BMAL2: variants seen among roughly 807,000 people sequenced by gnomAD.
The protein encoded by BMAL2 is basic helix-loop-helix ARNT-like protein 2.
chr12:27,372,831 A>G, the BMAL2 span, among the ~76,000 whole-genome samples: 2 of 151,592 alleles, frequency 1.3e-5, no homozygotes, highest in Non-Finnish European at 2.9e-5. Context: ...CCACCACCAC[A>G]CCTGGCTAAT....
the BMAL2 span, chr12:27,415,855 A>G: frequency 2.0e-4 from 310 of 1,563,304 alleles, no homozygotes; most frequent in Non-Finnish European, 2.6e-4. Flanking sequence ...TGTTTTATGT[A>G]TCACTTTTTA....
chr12:27,424,517 A>G, the BMAL2 span: 1 of 152,206 alleles, frequency 6.6e-6, no homozygotes, highest in African/African-American at 2.4e-5. Flanking sequence ...GAAAGTGTTT[A>G]TTTACAGTGT....
chr12:27,369,300 G>GT, the BMAL2 span, among the ~76,000 whole-genome samples: 1 of 92,262 alleles, frequency 1.1e-5, no homozygotes, highest in Non-Finnish European at 2.2e-5. Context: ...CTTTTTTGGT[G>GT]GGGGGGGTGG....
chr12:27,381,000 G>C, the BMAL2 span, among the ~76,000 whole-genome samples: 5 of 151,756 alleles, frequency 3.3e-5, no homozygotes, highest in Admixed American at 3.3e-4. Context: ...AAGTTCTGAA[G>C]TATAGTATTA....
the BMAL2 span, among the ~76,000 whole-genome samples, chr12:27,420,019 G>GCACACACACACACA: frequency 2.2e-3 from 319 of 147,564 alleles, 1 homozygote; most frequent in African/African-American, 5.0e-3. Context: ...GTTTGCGCGT[G>GCACACACACACACA]CACACACACA....
the BMAL2 span, among the ~76,000 whole-genome samples, chr12:27,379,634 G>T: frequency 2.0e-5 from 3 of 152,158 alleles, no homozygotes; most frequent in African/African-American, 7.2e-5. Context: ...CAAGAGAGAA[G>T]GAGGATCTTC....
the BMAL2 span, among the ~76,000 whole-genome samples, chr12:27,333,597 A>C: frequency 3.0e-4 from 46 of 152,332 alleles, no homozygotes; most frequent in African/African-American, 1.1e-3. Flanking sequence ...TGAGCTGATA[A>C]TACTCGCGGC....
chr12:27,376,897 G>A, the BMAL2 span, among the ~76,000 whole-genome samples: 1 of 151,144 alleles, frequency 6.6e-6, no homozygotes, highest in South Asian at 2.1e-4. Context: ...CTACTCGGGG[G>A]GACTGAGGCA....
the BMAL2 span, among the ~76,000 whole-genome samples, chr12:27,346,181 T>G: frequency 1.3e-5 from 2 of 152,214 alleles, no homozygotes; most frequent in Admixed American, 6.5e-5. Context: ...TCTTTCTGTC[T>G]TATAAACTTT....
the BMAL2 span, chr12:27,389,110 A>T: frequency 1.0e-6 from 1 of 1,000,478 alleles, no homozygotes; most frequent in Non-Finnish European, 1.6e-6. Context: ...AAGAACATTT[A>T]TTGTATGCAT....
chr12:27,388,050 C>T, the BMAL2 span, among the ~76,000 whole-genome samples: 2 of 152,006 alleles, frequency 1.3e-5, no homozygotes, highest in Non-Finnish European at 2.9e-5. Flanking sequence ...CTCATGATTC[C>T]ACGTTCTAAC....
chr12:27,420,516 T>A, the BMAL2 span: 1 of 1,595,512 alleles, frequency 6.3e-7, no homozygotes, highest in Non-Finnish European at 8.5e-7. Context: ...TTCAGTGACA[T>A]CCAGTGGACC....
At chr12:27,418,047 A>G in the BMAL2 span, 2 of 1,287,464 alleles carry the variant, frequency 1.6e-6, no homozygotes, top group Non-Finnish European at 2.2e-6. Flanking sequence ...TCCTTATTCT[A>G]GTAGGAACCT....
chr12:27,419,084 AT>A, the BMAL2 span, among the ~76,000 whole-genome samples: 4 of 152,180 alleles, frequency 2.6e-5, no homozygotes, highest in Admixed American at 2.0e-4. Context: ...AAACCAAGGT[AT>A]TTCTATCTAG....
At chr12:27,419,816 A>G in the BMAL2 span, among the ~76,000 whole-genome samples, 2 of 152,178 alleles carry the variant, frequency 1.3e-5, no homozygotes, top group African/African-American at 4.8e-5. Context: ...CTTAATTTCT[A>G]GAACCTTTTA....
chr12:27,399,677 C>T, the BMAL2 span, among the ~76,000 whole-genome samples: 1 of 152,224 alleles, frequency 6.6e-6, no homozygotes, highest in South Asian at 2.1e-4. Context: ...CCAAATAGTG[C>T]CAATTTGAAA....
At chr12:27,396,615 A>G in the BMAL2 span, among the ~76,000 whole-genome samples, 2 of 152,176 alleles carry the variant, frequency 1.3e-5, no homozygotes, top group East Asian at 3.9e-4. Flanking sequence ...TGCTGTAGGA[A>G]TGTGTTCCTG....
the BMAL2 span, among the ~76,000 whole-genome samples, chr12:27,351,283 C>G: frequency 5.3e-5 from 8 of 152,160 alleles, no homozygotes; most frequent in African/African-American, 1.9e-4. Flanking sequence ...CCCCTGGCAC[C>G]TGGCCTTATT....
chr12:27,333,321 G>C, the BMAL2 span, among the ~76,000 whole-genome samples: 2 of 151,948 alleles, frequency 1.3e-5, no homozygotes, highest in Non-Finnish European at 2.9e-5. Context: ...CCCGGGGAGC[G>C]GGACGCGGGG....
Sources: allele counts gnomAD v4.1 joint callset (sites outside exome capture counted in the v4.1 genomes callset), GRCh38; gene constraint gnomAD v4.1.1; transcripts MANE v1.5; gene names NCBI Gene and HGNC (gene_info 2026-07-23, HGNC 2026-07-21).